Variants in CA12 observed in about 807,000 individuals in gnomAD.
CA12 encodes the protein carbonic anhydrase 12.
A neutral mutation model predicts 46.8 loss-of-function variants in CA12; 36 were observed. The observed-to-expected ratio is 0.77, with a 90% CI of 0.59 to 1.02. The LOEUF is 1.02. Among genes scored for constraint, CA12 ranks in the 50% least tolerant of loss-of-function variants. The probability of loss-of-function intolerance (pLI) is 0.00; values close to 1 mark genes in which losing one functional copy is unlikely to be tolerated. For synonymous variants in CA12, 202 were observed against 187.0 expected (o/e 1.08, Z -0.65); for missense variants, 436 against 451.4 (o/e 0.97, Z 0.31).
At chr15:63,369,798 C>T (rs1595791764) in intron 2 of CA12, among the ~76,000 whole-genome samples, 1 of 152,160 alleles carries the variant, frequency 6.6e-6, no homozygotes, top group East Asian at 1.9e-4. Context: ...GTAAAGTTTC[C>T]GCTTCTTCCT....
chr15:63,322,169 C>T lies in CA12; in HGVS notation c.*4116G>A, dbSNP rs1250120831. ...CAACTTCTAAGTGTGTTTGGAGCAA[C>T]TCGGATATTGGAATCTTTTAAACTG... On this transcript the variant is annotated 3_prime_UTR_variant, in exon 11 of 11. Transcript: ENST00000178638. This position sits in a 1 kb window ranked among gnomAD's most constrained non-coding sequence, Gnocchi z 4.1. 1 of 152,172 alleles carries T rather than the reference C, an allele frequency of 6.6e-6. No homozygotes were observed. Among genetic ancestry groups the T allele is most frequent in the East Asian group, 1.9e-4 (1 of 5,194 alleles). The allele number at this position is 152,172 out of a possible 1,614,324, so 9.4% of individuals were successfully genotyped here. A position where few individuals can be genotyped will look rare whatever the true frequency, so the allele number is the denominator to read the frequency against.
rs1368131080 is a variant in CA12 at position 63,372,431 on chromosome 15, T to C, written c.106+3227A>G. 6.6e-6 allele frequency among the ~76,000 whole-genome samples: 1 copy of C among 152,212 alleles called. No individual in the cohort carries two copies. On this transcript the variant is annotated intron_variant, in intron 2 of 10. Coordinates refer to ENST00000178638, the MANE Select transcript of CA12 (RefSeq NM_001218.5). The surrounding 1 kb of genome is among the most constrained non-coding windows in gnomAD (Gnocchi z 4.5). ...CTCCAGGGAGGAGCCATCCATGCAG[T>C]CAGCCTGGTGACTCAGCTATGAGGA... is the stretch of plus-strand genomic sequence containing the variant.
In CA12 at chr15:63,326,252, C is replaced by G; in HGVS notation, c.*33G>C. ...AAGTGTGTAGGGTCCAAAGCAAGGT[C>G]CTTCCTGGATGTGCCCGGGAGCTCC... On this transcript the variant is annotated 3_prime_UTR_variant, in exon 11 of 11. Coordinates refer to ENST00000178638, the MANE Select transcript of CA12 (RefSeq NM_001218.5). 3 of 1,573,658 alleles carry G rather than the reference C, an allele frequency of 1.9e-6. No homozygotes were observed. Among genetic ancestry groups the G allele is most frequent in the Non-Finnish European group, 2.6e-6 (3 of 1,143,164 alleles).
chr15:63,381,421 A>C (rs777112461), intron 1 of CA12, among the ~76,000 whole-genome samples: 24 of 152,264 alleles, frequency 1.6e-4, no homozygotes, highest in Non-Finnish European at 3.2e-4. Flanking sequence ...ACATTTTAAC[A>C]CCAAATCTGC....
At position 63,324,946 on chromosome 15, in the gene CA12, C is replaced by T. The variant is rs557462650; in HGVS notation, c.*1339G>A. The T allele has an allele frequency of 6.6e-6, 1 of 152,122 alleles. No homozygotes were observed. The highest frequency in any genetic ancestry group is 1.9e-4 in the East Asian group (1 of 5,198). 9.4% of individuals were successfully genotyped at this position (152,122 alleles called of 1,614,324 possible). A position where few individuals can be genotyped will look rare whatever the true frequency, so the allele number is the denominator to read the frequency against. ...CTGCAAGGTGCTCTCAACTAGGGGT[C>T]GGTTCCTTCTCAGTCATGGCACTGA... On this transcript the variant is annotated 3_prime_UTR_variant, in exon 11 of 11. Coordinates refer to ENST00000178638, the MANE Select transcript of CA12 (RefSeq NM_001218.5).
In CA12 at chr15:63,340,632, C is replaced by A; in HGVS notation, c.589+88G>T. ...ACCTGGTGAACACAGACAGCACCTG[C>A]CCCTTGTGTTTGCTTTTCTTAAAGT... On this transcript the variant is annotated intron_variant, in intron 6 of 10. Coordinates refer to ENST00000178638, the MANE Select transcript of CA12 (RefSeq NM_001218.5). The surrounding 1 kb of genome is among the most constrained non-coding windows in gnomAD (Gnocchi z 4.4). 1 of 1,441,482 alleles carries A rather than the reference C, an allele frequency of 6.9e-7. No homozygotes were observed. The highest frequency in any genetic ancestry group is 1.7e-5 in the Admixed American group (1 of 59,776). 89.3% of individuals were successfully genotyped at this position (1,441,482 alleles called of 1,614,324 possible).
intron 2 of CA12, among the ~76,000 whole-genome samples, chr15:63,363,948 G>T (rs1215159018): frequency 6.6e-6 from 1 of 152,124 alleles, no homozygotes; most frequent in African/African-American, 2.4e-5. Context: ...GGCACTTTGG[G>T]AGGCCGAGGA....
intron 2 of CA12, among the ~76,000 whole-genome samples, chr15:63,367,501 G>A (rs1279915621): frequency 1.3e-5 from 2 of 152,182 alleles, no homozygotes; most frequent in Non-Finnish European, 2.9e-5. Flanking sequence ...CCTTACATAA[G>A]GAAATCTCAC....
Position 63,346,552 on chromosome 15 carries a change from G to A in CA12, c.264C>T (p.Leu88=). 2 of 1,614,036 alleles carry A rather than the reference G, an allele frequency of 1.2e-6. No homozygotes were observed. Among genetic ancestry groups the A allele is most frequent in the East Asian group, 4.5e-5 (2 of 44,860 alleles). The change falls in exon 3 of 11, where the codon CTC becomes CTT. Residue 88 remains leucine, a synonymous_variant. Coordinates refer to ENST00000178638, the MANE Select transcript of CA12 (RefSeq NM_001218.5). ...CACCTGAATGGCCATTGTTGGTCAGGAGAAACTGCTTGTTGGCAGACAGAT... is the reference window on the plus strand; with the variant it reads ...CACCTGAATGGCCATTGTTGGTCAGAAGAAACTGCTTGTTGGCAGACAGAT... ...GYNLSANKQF[L]LTNNGHSVKL...
intron 8 of CA12, among the ~76,000 whole-genome samples, chr15:63,335,209 C>G (rs1450090746): frequency 6.6e-6 from 1 of 152,180 alleles, no homozygotes; most frequent in Non-Finnish European, 1.5e-5. Context: ...GGACACCCCC[C>G]ACTGTAAGAA....
At chr15:63,338,234 C>T (rs978177488) in intron 8 of CA12, among the ~76,000 whole-genome samples, 1 of 152,224 alleles carries the variant, frequency 6.6e-6, no homozygotes. Flanking sequence ...TGTGCTTGTG[C>T]TTATGCAAGC....
chr15:63,353,845 C>T (rs2152620858), intron 2 of CA12, among the ~76,000 whole-genome samples: 1 of 152,276 alleles, frequency 6.6e-6, no homozygotes, highest in East Asian at 1.9e-4. Context: ...CTGCACCCAG[C>T]CTAGAAGCTA....
intron 2 of CA12, among the ~76,000 whole-genome samples, chr15:63,357,607 G>A (rs2039310976): frequency 6.6e-6 from 1 of 152,150 alleles, no homozygotes; most frequent in African/African-American, 2.4e-5. Context: ...TGTGAGCAGA[G>A]TCAGGGCCTT....
In CA12 at chr15:63,328,635, C is replaced by T. The variant is rs770113480; in HGVS notation, c.875-505G>A. ...AGGCGTGAGCCCCTGCGCCCGGCCCCGATGCTCCTTTATCACAACAGTTTC... is the reference window on the plus strand; with the variant it reads ...AGGCGTGAGCCCCTGCGCCCGGCCCTGATGCTCCTTTATCACAACAGTTTC... On this transcript the variant is annotated intron_variant, in intron 8 of 10. Transcript: ENST00000178638. This position sits in a 1 kb window ranked among gnomAD's most constrained non-coding sequence, Gnocchi z 5.9. Among the ~76,000 whole-genome samples the T allele has an allele frequency of 1.1e-4, 16 of 152,080 alleles. No homozygotes were observed. Among genetic ancestry groups the T allele is most frequent in the Non-Finnish European group, 1.9e-4 (13 of 67,998 alleles).
Position 63,369,399 on chromosome 15 carries a change from G to C in CA12, c.106+6259C>G, listed in dbSNP as rs1281624239. ...AGAGAAAGAAACTACAGTTAGCTTT[G>C]TATGTGCTAGGCCCTGTGTGAGCCT... On this transcript the variant is annotated intron_variant, in intron 2 of 10. Transcript: ENST00000178638. 2.0e-5 allele frequency among the ~76,000 whole-genome samples: 3 copies of C among 152,196 alleles called. No homozygotes were observed. In the East Asian group the frequency reaches 5.8e-4, roughly 29 times the overall value.
rs190134066 is a variant in CA12, at chr15:63,349,791, C to T, written c.107-3082G>A. ...ACGCTGTCCTTGAAGACAAGGACCA[C>T]GGCTCATCCATCGCTGCACTTCCCA... On this transcript the variant is annotated intron_variant, in intron 2 of 10. Coordinates refer to ENST00000178638, the MANE Select transcript of CA12 (RefSeq NM_001218.5). Among the ~76,000 whole-genome samples, 73 of 152,290 alleles carry T rather than the reference C, an allele frequency of 4.8e-4. No individual in the cohort carries two copies. The East Asian group carries it at 0.013, about 28-fold the overall frequency.
At chr15:63,359,462 T>C (rs898418955) in intron 2 of CA12, among the ~76,000 whole-genome samples, 4 of 152,086 alleles carry the variant, frequency 2.6e-5, no homozygotes, top group Non-Finnish European at 5.9e-5. Context: ...ACTTGCTTTC[T>C]CTCACACCCT....
intron 1 of CA12, among the ~76,000 whole-genome samples, chr15:63,377,586 G>A (rs1475951378): frequency 6.6e-6 from 1 of 151,464 alleles, no homozygotes; most frequent in East Asian, 1.9e-4. Flanking sequence ...CAATGTAATT[G>A]GTAATTTTTA....
Position 63,328,971 on chromosome 15 carries a change from G to GA in CA12, c.875-842dup, listed in dbSNP as rs766867070. 5.5e-4 allele frequency among the ~76,000 whole-genome samples: 84 copies of GA among 152,374 alleles called. No homozygotes were observed. The highest frequency in any genetic ancestry group is 1.4e-3 in the Admixed American group (22 of 15,308). ...CTGCCTCGGCCTCCCAAACTATGGG[G>GA]ATTACAGGTGTGAGCCACGGCGCCC... On this transcript the variant is annotated intron_variant, in intron 8 of 10. Transcript: ENST00000178638. This position sits in a 1 kb window ranked among gnomAD's most constrained non-coding sequence, Gnocchi z 5.9.
Sources: gnomAD v4.1 joint callset for allele counts (sites outside exome capture counted in the v4.1 genomes callset) on GRCh38, gnomAD v4.1.1 for gene constraint, Gnocchi (gnomAD v3.1) non-coding constraint, MANE v1.5 for transcripts, NCBI Gene and HGNC (gene_info 2026-07-23, HGNC 2026-07-21) for gene names.